Variants in AEBP1 observed in about 807,000 individuals in gnomAD.
AEBP1 encodes the protein adipocyte enhancer-binding protein 1.
A neutral mutation model predicts 116.5 loss-of-function variants in AEBP1; 69 were observed. That is an observed-to-expected ratio of 0.59 (90% confidence interval 0.49 to 0.72). AEBP1 has a LOEUF of 0.72. Among genes scored for constraint, AEBP1 ranks in the 30% least tolerant of loss-of-function variants. AEBP1 has a pLI of 0.00. For missense variants in AEBP1, 1,444 were observed against 1,557.5 expected, an observed-to-expected ratio of 0.93 and a Z score of 1.23; for synonymous variants, 627 against 627.3, an observed-to-expected ratio of 1.00 and a Z score of 0.01.
rs867746380 is a variant in AEBP1 at position 44,108,734 on chromosome 7, G to A, written c.941-165G>A. 2.0e-5 allele frequency among the ~76,000 whole-genome samples: 3 copies of A among 152,082 alleles called. No homozygotes were observed. Among genetic ancestry groups the A allele is most frequent in the South Asian group, 2.1e-4 (1 of 4,830 alleles). On this transcript the variant is annotated intron_variant, in intron 6 of 20. Transcript: ENST00000223357. This position sits in a 1 kb window ranked among gnomAD's most constrained non-coding sequence, Gnocchi z 5.0. ...GTCTTGCTCAGCTGCCCCTGAGCTCGGGCTGCTCCTGACTCCTGCAAGACC... is the reference window on the plus strand; with the variant it reads ...GTCTTGCTCAGCTGCCCCTGAGCTCAGGCTGCTCCTGACTCCTGCAAGACC...
rs1214938996 is a variant in AEBP1, at chr7:44,113,533, G to C, written c.2810-61G>C. The C allele has an allele frequency of 2.0e-6, 3 of 1,476,078 alleles. No homozygotes were observed. The highest frequency in any genetic ancestry group is 1.4e-5 in the South Asian group (1 of 73,794). 91.4% of individuals were successfully genotyped at this position (1,476,078 alleles called of 1,614,324 possible). A position where few individuals can be genotyped will look rare whatever the true frequency, so the allele number is the denominator to read the frequency against. On this transcript the variant is annotated intron_variant, in intron 20 of 20. Coordinates refer to ENST00000223357, the MANE Select transcript of AEBP1 (RefSeq NM_001129.5). The surrounding 1 kb of genome is among the most constrained non-coding windows in gnomAD (Gnocchi z 5.3). ...AGGGCGGGGCTGGGGGCAGGACTGA[G>C]TGGGAGGGTGGGGGCCTGGGAGGGG...
Position 44,113,685 on chromosome 7 carries a change from C to G in AEBP1, c.2901C>G (p.Cys967Trp). ...GCTACACCCCGAGCGCCAAGACCTG[C>G]AATGTTGACTATGACATCGGGGCCA... ...AEGYTPSAKT[C>W]NVDYDIGATQ... is the part of the protein sequence containing the mutation. The change falls in exon 21 of 21, where the codon TGC becomes TGG. Residue 967 changes from cysteine (C) to tryptophan (W), a missense_variant. Cys to Trp is a radical substitution (Grantham distance 215). Coordinates refer to ENST00000223357, the MANE Select transcript of AEBP1 (RefSeq NM_001129.5). This position sits in a 1 kb window ranked among gnomAD's most constrained non-coding sequence, Gnocchi z 5.3. The G allele has an allele frequency of 6.2e-7, 1 of 1,614,024 alleles. No individual in the cohort carries two copies. Among genetic ancestry groups the G allele is most frequent in the South Asian group, 1.1e-5 (1 of 91,088 alleles).
At position 44,110,208 on chromosome 7, in the gene AEBP1, C is replaced by G. The variant is rs2096227674; in HGVS notation, c.1262C>G (p.Thr421Ser). 2 of 1,613,636 alleles carry G rather than the reference C, an allele frequency of 1.2e-6. No homozygotes were observed. The highest frequency in any genetic ancestry group is 4.5e-5 in the East Asian group (2 of 44,890). Reference protein sequence around the residue: ...GAQRGRLNMQTGATEDDYYDG... With the variant: ...GAQRGRLNMQSGATEDDYYDG... ...CAGCCTCCCCTGCCCCCTGGACAGACCGGTGCCACTGAGGACGACTACTAT... is the reference window on the plus strand; with the variant it reads ...CAGCCTCCCCTGCCCCCTGGACAGAGCGGTGCCACTGAGGACGACTACTAT... The change falls in exon 11 of 21, where the codon ACC (threonine) becomes AGC (serine). Residue 421 changes from threonine to serine, a missense_variant and splice_region_variant. Transcript: ENST00000223357.
Position 44,104,512 on chromosome 7 carries a change from C to A in AEBP1, c.-154C>A. 1 of 539,598 alleles carries A rather than the reference C, an allele frequency of 1.9e-6. No individual in the cohort carries two copies. 33.4% of individuals were successfully genotyped at this position (539,598 alleles called of 1,614,324 possible). On this transcript the variant is annotated 5_prime_UTR_variant, in exon 1 of 21. Coordinates refer to ENST00000223357, the MANE Select transcript of AEBP1 (RefSeq NM_001129.5). ...CCTCGCCCACCCTAATCCACTCTCC[C>A]TCCCTTTCCCGGATTCCCTCGCTCA...
rs899649293 is a variant in AEBP1, at chr7:44,112,363, G to T, written c.2217+42G>T. 1.1e-5 allele frequency: 17 copies of T among 1,513,268 alleles called. No homozygotes were observed. In the African/African-American group the frequency reaches 2.0e-4, roughly 17 times the overall value. The allele number at this position is 1,513,268 out of a possible 1,614,324, so 93.7% of individuals were successfully genotyped here. ...GCTGAAAGGGCAGGAGGGAGCAGCT[G>T]GACCCTGGGGTCCTGGTGTTCTGGG... On this transcript the variant is annotated intron_variant, in intron 17 of 20. Transcript: ENST00000223357. The surrounding 1 kb of genome is among the most constrained non-coding windows in gnomAD (Gnocchi z 6.6).
intron 9 of AEBP1, 32 bp from the exon 10 acceptor site, chr7:44,109,983 G>T: frequency 1.3e-6 from 2 of 1,588,150 alleles, no homozygotes; most frequent in South Asian, 2.2e-5. Context: ...GATGGAGCTA[G>T]TGAGCCACCA....
chr7:44,107,428 C>T lies in AEBP1; in HGVS notation c.596-11C>T. 4 of 1,613,144 alleles carry T rather than the reference C, an allele frequency of 2.5e-6. No homozygotes were observed. The highest frequency in any genetic ancestry group is 2.7e-5 in the African/African-American group (2 of 75,050). The stretch of plus-strand genomic sequence containing the variant: ...TCCCGCCCACCTGCTTCTGGAACTC[C>T]TGTGTTGCAGGGGCGCCCCTCTCAA... On this transcript the variant is annotated splice_polypyrimidine_tract_variant and intron_variant, in intron 2 of 20. Coordinates refer to ENST00000223357, the MANE Select transcript of AEBP1 (RefSeq NM_001129.5). The surrounding 1 kb of genome is among the most constrained non-coding windows in gnomAD (Gnocchi z 4.3).
Position 44,108,818 on chromosome 7 carries a change from C to T in AEBP1, c.941-81C>T. The T allele has an allele frequency of 2.2e-6, 3 of 1,348,310 alleles. No individual in the cohort carries two copies. Among genetic ancestry groups the T allele is most frequent in the South Asian group, 2.5e-5 (2 of 78,784 alleles). 83.5% of individuals were successfully genotyped at this position (1,348,310 alleles called of 1,614,324 possible). ...CTCCTCCCCTCTGGCGCGGTCCTGT[C>T]CTGCTGAGCTCCTGTGGACCCAGGA... On this transcript the variant is annotated intron_variant, in intron 6 of 20. Transcript: ENST00000223357. This position sits in a 1 kb window ranked among gnomAD's most constrained non-coding sequence, Gnocchi z 5.0.
Position 44,112,664 on chromosome 7 carries a change from T to C in AEBP1, c.2324T>C (p.Met775Thr), listed in dbSNP as rs922023775. ...CGGCTAGTATCCTACCCCTACGATA[T>C]GGCCCGCACGCCTACCCAGGAGCAG... ...GERLVSYPYD[M>T]ARTPTQEQLL... The change falls in exon 18 of 21, where the codon ATG (methionine) becomes ACG (threonine). Residue 775 changes from methionine to threonine, a missense_variant. By Grantham distance (81) the Met-to-Thr change is moderately conservative (BLOSUM62 -1). Coordinates refer to ENST00000223357, the MANE Select transcript of AEBP1 (RefSeq NM_001129.5). This position sits in a 1 kb window ranked among gnomAD's most constrained non-coding sequence, Gnocchi z 6.6. The C allele has an allele frequency of 1.2e-5, 19 of 1,613,148 alleles. No individual in the cohort carries two copies. Among genetic ancestry groups the C allele is most frequent in the Non-Finnish European group, 1.4e-5 (16 of 1,179,948 alleles).
rs1379568394 is a variant in AEBP1 at position 44,111,566 on chromosome 7, G to T, written c.1776G>T (p.Lys592Asn). Residue 592 changes from lysine to asparagine, a missense_variant, in exon 15 of 21, where the codon AAG (lysine) becomes AAT (asparagine). Coordinates refer to ENST00000223357, the MANE Select transcript of AEBP1 (RefSeq NM_001129.5). This position sits in a 1 kb window ranked among gnomAD's most constrained non-coding sequence, Gnocchi z 4.7. ...PTITRTYSLG[K>N]SSRGLKIYAM... ...TCACCCGCACTTACAGCCTGGGCAA[G>T]AGCTCACGAGGCCTCAAGATCTATG... 6.2e-7 allele frequency: 1 copy of T among 1,612,700 alleles called. No homozygotes were observed. The highest frequency in any genetic ancestry group is 2.2e-5 in the East Asian group (1 of 44,872).
At position 44,107,867 on chromosome 7, in the gene AEBP1, C is replaced by T. The variant is rs368747482; in HGVS notation, c.798C>T (p.Pro266=). The change falls in exon 5 of 21, where the codon CCC becomes CCT. Residue 266 remains proline (P), a synonymous_variant. Transcript: ENST00000223357. This position sits in a 1 kb window ranked among gnomAD's most constrained non-coding sequence, Gnocchi z 4.3. ...CACCCCCAAGCAGAAGGAGGAGGCC[C>T]GAGCGGGTCTGGCCAGAGCCCCCTG... The part of the protein sequence containing the change: ...PRPPPSRRRR[P]ERVWPEPPEE... 137 of 1,607,672 alleles carry T rather than the reference C, an allele frequency of 8.5e-5. No individual in the cohort carries two copies. Among genetic ancestry groups the T allele is most frequent in the Middle Eastern group, 3.3e-4 (2 of 6,034 alleles).
intron 11 of AEBP1, 152 bp downstream of exon 11, chr7:44,110,498 C>T (rs1456761041): frequency 4.8e-5 from 59 of 1,235,282 alleles, no homozygotes; most frequent in Non-Finnish European, 6.3e-5. Context: ...CCCATCCCCA[C>T]TCCTCAGCCT....
chr7:44,110,953 G>A lies in AEBP1; in HGVS notation c.1526G>A (p.Ser509Asn), dbSNP rs374647057. The A allele has an allele frequency of 6.2e-7, 1 of 1,614,064 alleles. No homozygotes were observed. The highest frequency in any genetic ancestry group is 1.3e-5 in the African/African-American group (1 of 75,072). Residue 509 changes from serine to asparagine, a missense_variant, in exon 13 of 21, where the codon AGT (serine) becomes AAT (asparagine). Coordinates refer to ENST00000223357, the MANE Select transcript of AEBP1 (RefSeq NM_001129.5). Reference sequence around the variant, plus strand: ...GTGGACAAGGACACACCCGTGCTGAGTGAGCTCCCAGAGCCGGTGGTGGCT... The same window carrying A: ...GTGGACAAGGACACACCCGTGCTGAATGAGCTCCCAGAGCCGGTGGTGGCT... ...GNVDKDTPVL[S>N]ELPEPVVARF...
At position 44,108,560 on chromosome 7, in the gene AEBP1, T is replaced by G. The variant is rs1368814063; in HGVS notation, c.941-339T>G. ...TTCCCTGCCCCCAGGTCCCCATCAG[T>G]GCCTCCAATGTCTCCCCATCTCACC... is the stretch of plus-strand genomic sequence containing the variant. On this transcript the variant is annotated intron_variant, in intron 6 of 20. Coordinates refer to ENST00000223357, the MANE Select transcript of AEBP1 (RefSeq NM_001129.5). This position sits in a 1 kb window ranked among gnomAD's most constrained non-coding sequence, Gnocchi z 5.0. Among the ~76,000 whole-genome samples, 1 of 151,990 alleles carries G rather than the reference T, an allele frequency of 6.6e-6. No homozygotes were observed. The highest frequency in any genetic ancestry group is 1.5e-5 in the Non-Finnish European group (1 of 67,978).
rs1562684741 is a variant in AEBP1 at position 44,107,391 on chromosome 7, T to G, written c.596-48T>G. The G allele has an allele frequency of 6.3e-7, 1 of 1,587,104 alleles. No individual in the cohort carries two copies. The highest frequency in any genetic ancestry group is 8.6e-7 in the Non-Finnish European group (1 of 1,156,844). On this transcript the variant is annotated intron_variant, in intron 2 of 20. Transcript: ENST00000223357. This position sits in a 1 kb window ranked among gnomAD's most constrained non-coding sequence, Gnocchi z 4.3. ...TGGTGGCCTGAGGCTCCCAAGGTGGTCAGAGCAGGCCTCCCGCCCACCTGC... is the reference window on the plus strand; with the variant it reads ...TGGTGGCCTGAGGCTCCCAAGGTGGGCAGAGCAGGCCTCCCGCCCACCTGC...
At position 44,107,758 on chromosome 7, in the gene AEBP1, A is replaced by G. The variant is rs780872112; in HGVS notation, c.740-51A>G. ...GGACCCCTGGCCTGGGGGATGTGCC[A>G]ATGGGCCCATCCCAGCCTTGGGCCC... is the stretch of plus-strand genomic sequence containing the variant. On this transcript the variant is annotated intron_variant, in intron 4 of 20. Coordinates refer to ENST00000223357, the MANE Select transcript of AEBP1 (RefSeq NM_001129.5). The surrounding 1 kb of genome is among the most constrained non-coding windows in gnomAD (Gnocchi z 4.3). 1 of 1,612,736 alleles carries G rather than the reference A, an allele frequency of 6.2e-7. No homozygotes were observed. The highest frequency in any genetic ancestry group is 1.3e-5 in the African/African-American group (1 of 74,818).
At chr7:44,106,310 A>T (rs1457635180) in intron 1 of AEBP1, 1 of 682,598 alleles carries the variant, frequency 1.5e-6, no homozygotes, top group East Asian at 2.9e-5. Flanking sequence ...TGGGAACCCT[A>T]CGCTCAGTCT....
chr7:44,106,232 G>A (rs1346684842), intron 1 of AEBP1: 3 of 544,466 alleles, frequency 5.5e-6, no homozygotes, highest in Middle Eastern at 5.6e-4. Flanking sequence ...AATAGTGGAG[G>A]AGTGGATAGT....
Position 44,112,982 on chromosome 7 carries a change from C to T in AEBP1, c.2570-9C>T, listed in dbSNP as rs781626056. On this transcript the variant is annotated splice_polypyrimidine_tract_variant and intron_variant, in intron 18 of 20. Transcript: ENST00000223357. The surrounding 1 kb of genome is among the most constrained non-coding windows in gnomAD (Gnocchi z 6.6). ...GGCTGACTTTGGGTCTGTATCTGTC[C>T]CCGGCCAGCTATCAATGACTTCAGT... The T allele has an allele frequency of 3.1e-6, 5 of 1,613,840 alleles. No individual in the cohort carries two copies. The South Asian group carries it at 5.5e-5, about 18-fold the overall frequency.
Sources: gnomAD v4.1 joint callset for allele counts (sites outside exome capture counted in the v4.1 genomes callset) on GRCh38, gnomAD v4.1.1 for gene constraint, Gnocchi (gnomAD v3.1) non-coding constraint, MANE v1.5 for transcripts, NCBI Gene and HGNC (gene_info 2026-07-23, HGNC 2026-07-21) for gene names.